The following SLC71A2 variants were observed in gnomAD, a reference collection of about 807,000 sequenced individuals.
SLC71A2 encodes hippocampus abundant transcript-like 1.
chr9:94,447,472 G>T, the SLC71A2 span, among the ~76,000 whole-genome samples: 1 of 142,044 alleles, frequency 7.0e-6, no homozygotes, highest in Non-Finnish European at 1.5e-5. Context: ...GAGCCACTGT[G>T]CCCAGCCTGT....
chr9:94,436,362 G>C, the SLC71A2 span, among the ~76,000 whole-genome samples: 1 of 152,146 alleles, frequency 6.6e-6, no homozygotes, highest in Non-Finnish European at 1.5e-5. Context: ...TACTTAACTT[G>C]TAGTAAGCCT....
chr9:94,450,639 G>A, the SLC71A2 span, among the ~76,000 whole-genome samples: 1 of 151,600 alleles, frequency 6.6e-6, no homozygotes, highest in Non-Finnish European at 1.5e-5. Context: ...ACAGGCACAC[G>A]CCACCACGTC....
chr9:94,376,345 C>T, the SLC71A2 span, among the ~76,000 whole-genome samples: 1 of 151,530 alleles, frequency 6.6e-6, no homozygotes, highest in Non-Finnish European at 1.5e-5. Context: ...CTCTCCTATG[C>T]ATTCTTATGC....
chr9:94,461,023 G>GGTAT, the SLC71A2 span: 1 of 151,692 alleles, frequency 6.6e-6, no homozygotes, highest in Non-Finnish European at 1.5e-5. Context: ...TGATGCAAAA[G>GGTAT]GTATGTATTT....
At chr9:94,405,419 C>T in the SLC71A2 span, among the ~76,000 whole-genome samples, 3 of 148,056 alleles carry the variant, frequency 2.0e-5, no homozygotes, top group East Asian at 2.0e-4. Context: ...GGCATGAACC[C>T]GGGAGGTGGA....
the SLC71A2 span, among the ~76,000 whole-genome samples, chr9:94,392,979 A>G: frequency 6.6e-6 from 1 of 152,128 alleles, no homozygotes; most frequent in Non-Finnish European, 1.5e-5. Context: ...TAATTCTCTT[A>G]CTGAGGTGGT....
At chr9:94,400,326 T>C in the SLC71A2 span, among the ~76,000 whole-genome samples, 1 of 151,960 alleles carries the variant, frequency 6.6e-6, no homozygotes, top group Non-Finnish European at 1.5e-5. Flanking sequence ...TGTCAAATGG[T>C]GATTTGGTGA....
the SLC71A2 span, among the ~76,000 whole-genome samples, chr9:94,456,930 C>T: frequency 5.9e-5 from 9 of 152,034 alleles, no homozygotes; most frequent in Non-Finnish European, 1.2e-4. Flanking sequence ...TGTCCTCCCT[C>T]CATCCCTTCT....
At chr9:94,423,019 G>A in the SLC71A2 span, among the ~76,000 whole-genome samples, 1 of 148,038 alleles carries the variant, frequency 6.8e-6, no homozygotes, top group Non-Finnish European at 1.5e-5. Context: ...TCACTGCAAT[G>A]TCTGCCTCCC....
chr9:94,415,082 T>G, the SLC71A2 span: 5 of 1,127,380 alleles, frequency 4.4e-6, no homozygotes, highest in East Asian at 1.3e-4. Flanking sequence ...TTTTTACACA[T>G]TTTTTTCTAT....
chr9:94,456,462 T>G, the SLC71A2 span: 1 of 656,102 alleles, frequency 1.5e-6, no homozygotes, highest in Non-Finnish European at 2.8e-6. Flanking sequence ...CCTTTTATCA[T>G]ACCTATTTAC....
chr9:94,458,284 C>T, the SLC71A2 span: 1 of 1,583,622 alleles, frequency 6.3e-7, no homozygotes, highest in Non-Finnish European at 8.6e-7. Context: ...AGATGCCTTT[C>T]TGAGAAGACT....
At chr9:94,429,934 C>A in the SLC71A2 span, among the ~76,000 whole-genome samples, 3 of 144,438 alleles carry the variant, frequency 2.1e-5, no homozygotes, top group African/African-American at 7.8e-5. Context: ...GAGATGGAGT[C>A]TCGCTCTGTC....
At chr9:94,384,585 C>A in the SLC71A2 span, among the ~76,000 whole-genome samples, 1 of 152,178 alleles carries the variant, frequency 6.6e-6, no homozygotes, top group African/African-American at 2.4e-5. Flanking sequence ...AGTGATACAC[C>A]CGCCTTGGCC....
At chr9:94,453,929 T>G in the SLC71A2 span, 1 of 1,442,730 alleles carries the variant, frequency 6.9e-7, no homozygotes, top group African/African-American at 1.4e-5. Flanking sequence ...TTGATGTGGT[T>G]TTTCAGAGTT....
the SLC71A2 span, chr9:94,460,686 T>A: frequency 6.6e-6 from 1 of 152,218 alleles, no homozygotes; most frequent in African/African-American, 2.4e-5. Context: ...GTTTTAATTT[T>A]TTTTTTTTGA....
the SLC71A2 span, among the ~76,000 whole-genome samples, chr9:94,377,192 T>C: frequency 6.6e-6 from 1 of 151,728 alleles, no homozygotes; most frequent in Non-Finnish European, 1.5e-5. Context: ...GTGTTTTTCC[T>C]GTTTGCAGTT....
At chr9:94,460,258 G>C in the SLC71A2 span, 1 of 152,616 alleles carries the variant, frequency 6.6e-6, no homozygotes, top group Non-Finnish European at 1.5e-5. Flanking sequence ...ATGAGAGTTA[G>C]TAACTGGATA....
the SLC71A2 span, among the ~76,000 whole-genome samples, chr9:94,418,633 A>G: frequency 2.0e-5 from 3 of 151,952 alleles, no homozygotes; most frequent in Non-Finnish European, 4.4e-5. Flanking sequence ...ACAGGGTTTC[A>G]CCATATTGGC....
Sources: allele counts gnomAD v4.1 joint callset (sites outside exome capture counted in the v4.1 genomes callset), GRCh38; gene constraint gnomAD v4.1.1; transcripts MANE v1.5; gene names NCBI Gene and HGNC (gene_info 2026-07-23, HGNC 2026-07-21).